The following ITGA9 variants were observed in gnomAD, a reference collection of about 807,000 sequenced individuals.
The protein encoded by ITGA9 is integrin subunit alpha 9, also known as integrin alpha-9.
ITGA9 carries 56 observed loss-of-function variants against 127.8 expected under a neutral mutation model. That is an observed-to-expected ratio of 0.44 (90% CI 0.35 to 0.55). The LOEUF (loss-of-function observed/expected upper bound fraction) is 0.55, where lower values mean the gene tolerates loss of function less well. Ranked by LOEUF, ITGA9 falls within the 20% of genes least tolerant of loss-of-function variation. The pLI, the probability that ITGA9 is intolerant of heterozygous loss-of-function variation, is 0.00. For synonymous variants in ITGA9, 508 were observed against 514.5 expected, an observed-to-expected ratio of 0.99 and a Z score of 0.17; for missense variants, 1,196 against 1,347.1, an observed-to-expected ratio of 0.89 and a Z score of 1.76.
chr3:37,764,365 G>C (rs1297650965), intron 23 of ITGA9, among the ~76,000 whole-genome samples: 1 of 143,526 alleles, frequency 7.0e-6, no homozygotes, highest in Non-Finnish European at 1.5e-5. Context: ...TAAGGACCTG[G>C]TTTACTATCT....
At position 37,597,540 on chromosome 3, in the gene ITGA9, G is replaced by A. The variant is rs1202282552; in HGVS notation, c.1690-31647G>A. 6.6e-6 allele frequency among the ~76,000 whole-genome samples: 1 copy of A among 152,174 alleles called. No homozygotes were observed. Among genetic ancestry groups the A allele is most frequent in the Admixed American group, 6.5e-5 (1 of 15,278 alleles). On this transcript the variant is annotated intron_variant, in intron 15 of 27. Coordinates refer to ENST00000264741, the MANE Select transcript of ITGA9 (RefSeq NM_002207.3). The surrounding 1 kb of genome is among the most constrained non-coding windows in gnomAD (Gnocchi z 4.6). The stretch of plus-strand genomic sequence containing the variant: ...TCATCTCTATTGTACATAGTAATCA[G>A]GGTCTAACATAGCTTCCCTTTCCCA...
intron 18 of ITGA9, among the ~76,000 whole-genome samples, chr3:37,693,138 C>T (rs920965626): frequency 4.6e-5 from 7 of 152,158 alleles, no homozygotes; most frequent in African/African-American, 1.7e-4. Context: ...GAATGTGCTT[C>T]GTACCTGGCA....
chr3:37,508,763 G>A (rs766894620), intron 8 of ITGA9, 136 bp downstream of exon 8: 32 of 722,486 alleles, frequency 4.4e-5, no homozygotes, highest in Non-Finnish European at 4.8e-5. Context: ...GCTTGTTGGT[G>A]TCTTTACCTT....
chr3:37,706,245 C>T (rs1701004224), intron 18 of ITGA9, among the ~76,000 whole-genome samples: 1 of 152,172 alleles, frequency 6.6e-6, no homozygotes, highest in Non-Finnish European at 1.5e-5. Context: ...TATCAATATG[C>T]CCTCTCTCTA....
At chr3:37,651,067 A>G (rs1700424880) in intron 16 of ITGA9, among the ~76,000 whole-genome samples, 1 of 152,100 alleles carries the variant, frequency 6.6e-6, no homozygotes, top group South Asian at 2.1e-4. Flanking sequence ...GCTTAATTTT[A>G]TCTTATCAGT....
intron 17 of ITGA9, among the ~76,000 whole-genome samples, chr3:37,663,137 G>T (rs1299320100): frequency 6.6e-6 from 1 of 152,172 alleles, no homozygotes; most frequent in Non-Finnish European, 1.5e-5. Flanking sequence ...CCAGGAACAG[G>T]GATGAAACTT....
intron 1 of ITGA9, among the ~76,000 whole-genome samples, chr3:37,464,464 A>C (rs906440268): frequency 6.6e-6 from 1 of 152,146 alleles, no homozygotes; most frequent in Non-Finnish European, 1.5e-5. Flanking sequence ...AGCAGGCACT[A>C]TGATGGGTGT....
intron 12 of ITGA9, among the ~76,000 whole-genome samples, chr3:37,524,281 A>G (rs527431031): frequency 6.6e-6 from 1 of 152,366 alleles, no homozygotes; most frequent in African/African-American, 2.4e-5. Flanking sequence ...AGGAAACAAC[A>G]GTAAGAATTT....
intron 3 of ITGA9, among the ~76,000 whole-genome samples, chr3:37,479,456 G>A (rs1176931639): frequency 1.3e-5 from 2 of 152,262 alleles, no homozygotes; most frequent in Admixed American, 6.5e-5. Context: ...TGGGCAGAGA[G>A]TGGCCTTGTC....
At chr3:37,562,924 A>T (rs1699508085) in intron 15 of ITGA9, among the ~76,000 whole-genome samples, 1 of 151,960 alleles carries the variant, frequency 6.6e-6, no homozygotes, top group South Asian at 2.1e-4. Flanking sequence ...GAGGTTTGGG[A>T]TAATTTTATT....
chr3:37,606,621 A>G (rs952300096), intron 15 of ITGA9, among the ~76,000 whole-genome samples: 2 of 152,140 alleles, frequency 1.3e-5, no homozygotes, highest in African/African-American at 4.8e-5. Flanking sequence ...TGTGGTGCAT[A>G]CTTTGTGTTG....
intron 23 of ITGA9, among the ~76,000 whole-genome samples, chr3:37,767,415 C>T (rs943156357): frequency 1.3e-5 from 2 of 152,176 alleles, no homozygotes; most frequent in African/African-American, 2.4e-5. Context: ...ATTTAGAAGA[C>T]AGTTTTCAGT....
At chr3:37,648,711 A>G (rs1270720157) in intron 16 of ITGA9, among the ~76,000 whole-genome samples, 1 of 152,208 alleles carries the variant, frequency 6.6e-6, no homozygotes, top group African/African-American at 2.4e-5. Context: ...AGTTGAAATG[A>G]AAGGACACTA....
intron 17 of ITGA9, among the ~76,000 whole-genome samples, chr3:37,668,266 C>T (rs917522383): frequency 3.3e-5 from 5 of 152,200 alleles, no homozygotes; most frequent in African/African-American, 7.2e-5. Flanking sequence ...AGGCTGGCCA[C>T]GTGCTCATAG....
In ITGA9 at chr3:37,820,281, AC is replaced by A. The variant is rs1697497060; in HGVS notation, c.*1294del. The A allele has an allele frequency of 6.6e-6, 1 of 152,220 alleles. No individual in the cohort carries two copies. Among genetic ancestry groups the A allele is most frequent in the Non-Finnish European group, 1.5e-5 (1 of 68,064 alleles). The allele number at this position is 152,220 out of a possible 1,614,324, so 9.4% of individuals were successfully genotyped here. On this transcript the variant is annotated 3_prime_UTR_variant, in exon 28 of 28. Coordinates refer to ENST00000264741, the MANE Select transcript of ITGA9 (RefSeq NM_002207.3). ...AAAGTTAGGCCTCAGAGGTGTCCCAACCTGAATCAAGGGGCTGGCTGCACCC... is the reference window on the plus strand; with the variant it reads ...AAAGTTAGGCCTCAGAGGTGTCCCAACTGAATCAAGGGGCTGGCTGCACCC...
chr3:37,482,087 G>A (rs1698561878), intron 4 of ITGA9, among the ~76,000 whole-genome samples: 1 of 152,210 alleles, frequency 6.6e-6, no homozygotes, highest in African/African-American at 2.4e-5. Context: ...GCTTCTGGCT[G>A]CACTGTGGAC....
At chr3:37,471,682 G>C (rs1698432563) in intron 2 of ITGA9, among the ~76,000 whole-genome samples, 1 of 152,192 alleles carries the variant, frequency 6.6e-6, no homozygotes, top group African/African-American at 2.4e-5. Flanking sequence ...TTCTGTGTGT[G>C]AGTGGGGAGG....
intron 23 of ITGA9, among the ~76,000 whole-genome samples, chr3:37,765,750 C>T (rs1696772591): frequency 6.6e-6 from 1 of 152,126 alleles, no homozygotes; most frequent in Non-Finnish European, 1.5e-5. Flanking sequence ...CCCGGCTGTC[C>T]GTACAGAGTG....
At chr3:37,753,106 T>A (rs1247576744) in intron 23 of ITGA9, among the ~76,000 whole-genome samples, 1 of 152,228 alleles carries the variant, frequency 6.6e-6, no homozygotes, top group African/African-American at 2.4e-5. Flanking sequence ...GTGGACCTAG[T>A]GTCTGTCCAT....
Sources: gnomAD v4.1 joint callset for allele counts (sites outside exome capture counted in the v4.1 genomes callset) on GRCh38, gnomAD v4.1.1 for gene constraint, Gnocchi (gnomAD v3.1) non-coding constraint, MANE v1.5 for transcripts, NCBI Gene and HGNC (gene_info 2026-07-23, HGNC 2026-07-21) for gene names.